SLC41A3: variants seen among roughly 807,000 people sequenced by gnomAD.
The protein encoded by SLC41A3 is solute carrier family 41 member 3.
In SLC41A3, 44 loss-of-function variants were observed where a neutral mutation model predicts 45.4. The observed-to-expected ratio is 0.97, with a 90% CI of 0.76 to 1.25. The LOEUF (loss-of-function observed/expected upper bound fraction) is 1.25, where lower values mean the gene tolerates loss of function less well. Among genes scored for constraint, SLC41A3 ranks in the 50% most tolerant of loss-of-function variants. The probability of loss-of-function intolerance (pLI) is 0.00; values close to 1 mark genes in which losing one functional copy is unlikely to be tolerated. For missense variants in SLC41A3, 550 were observed against 600.6 expected (o/e 0.92, Z 0.88); for synonymous variants, 256 against 252.4 (o/e 1.01, Z -0.13).
chr3:126,019,815 T>A (rs1940671646), intron 6 of SLC41A3, among the ~76,000 whole-genome samples: 1 of 151,486 alleles, frequency 6.6e-6, no homozygotes, highest in Non-Finnish European at 1.5e-5. Flanking sequence ...TCCACCCAGC[T>A]CTCCCAGGCT....
chr3:126,064,303 C>T (rs1944239073), intron 2 of SLC41A3, among the ~76,000 whole-genome samples: 1 of 152,122 alleles, frequency 6.6e-6, no homozygotes, highest in Admixed American at 6.5e-5. Context: ...TCCACATCCC[C>T]GAGGAGCACG....
intron 2 of SLC41A3, among the ~76,000 whole-genome samples, chr3:126,063,624 C>T (rs1203678973): frequency 6.6e-6 from 1 of 152,210 alleles, no homozygotes; most frequent in Non-Finnish European, 1.5e-5. Context: ...TCCTGCCTCA[C>T]TGACACACAA....
At chr3:126,012,249 CT>C (rs1939789224) in intron 9 of SLC41A3, among the ~76,000 whole-genome samples, 1 of 152,040 alleles carries the variant, frequency 6.6e-6, no homozygotes, top group African/African-American at 2.4e-5. Context: ...AGTGTATTTC[CT>C]CTAATTCTTT....
At chr3:126,045,550 C>T (rs1008599698) in intron 3 of SLC41A3, among the ~76,000 whole-genome samples, 1 of 152,070 alleles carries the variant, frequency 6.6e-6, no homozygotes, top group African/African-American at 2.4e-5. Flanking sequence ...CCTCGAGAAA[C>T]AATTTACCAG....
chr3:126,059,299 A>AGAAAG (rs1943914545), intron 2 of SLC41A3, among the ~76,000 whole-genome samples: 1 of 124,120 alleles, frequency 8.1e-6, no homozygotes. Context: ...AGAAAGAAAG[A>AGAAAG]AAGAAAGAAA....
intron 2 of SLC41A3, among the ~76,000 whole-genome samples, chr3:126,063,456 A>C (rs375364164): frequency 6.4e-4 from 97 of 152,298 alleles, no homozygotes; most frequent in African/African-American, 2.1e-3. Flanking sequence ...AGTCCCTGAT[A>C]AAGAGCAAAC....
rs1015322341 is a variant in SLC41A3 at position 126,006,582 on chromosome 3, T to A, written c.*434A>T. ...GCTTGAACCTGGTGAAGACAGCAAGTAAGCCACAGCTCAAGAGTTCTGAGG... is the reference window on the plus strand; with the variant it reads ...GCTTGAACCTGGTGAAGACAGCAAGAAAGCCACAGCTCAAGAGTTCTGAGG... On this transcript the variant is annotated 3_prime_UTR_variant, in exon 11 of 11. Coordinates refer to ENST00000360370, the MANE Select transcript of SLC41A3 (RefSeq NM_017836.4). 1.3e-6 allele frequency: 2 copies of A among 1,588,540 alleles called. No individual in the cohort carries two copies. Among genetic ancestry groups the A allele is most frequent in the African/African-American group, 2.7e-5 (2 of 72,952 alleles).
intron 4 of SLC41A3, among the ~76,000 whole-genome samples, chr3:126,030,918 A>T (rs998990095): frequency 2.6e-5 from 4 of 152,246 alleles, no homozygotes; most frequent in Non-Finnish European, 4.4e-5. Context: ...GCTACAATTT[A>T]TCTATATACC....
At chr3:126,022,221 T>A (rs748909371) in intron 6 of SLC41A3, among the ~76,000 whole-genome samples, 1 of 152,126 alleles carries the variant, frequency 6.6e-6, no homozygotes, top group Admixed American at 6.5e-5. Context: ...CATTCTGGAG[T>A]TTCTCCAGAT....
Position 126,080,937 on chromosome 3 carries a change from C to T in SLC41A3, c.-28+3156G>A, listed in dbSNP as rs140273498. Among the ~76,000 whole-genome samples the T allele has an allele frequency of 3.0e-3, 445 of 150,712 alleles. 9 individuals carry two copies. The highest frequency in any genetic ancestry group is 0.025 in the Admixed American group (386 of 15,176). ...CTGCACTCTAGCCTGGGCAACAGAG[C>T]GAGATTCCATCTCTGAAAAAAAAAA... On this transcript the variant is annotated intron_variant, in intron 1 of 10. Transcript: ENST00000360370.
chr3:126,045,330 A>G (rs1942891149), intron 3 of SLC41A3, among the ~76,000 whole-genome samples: 1 of 144,762 alleles, frequency 6.9e-6, no homozygotes, highest in African/African-American at 2.5e-5. Flanking sequence ...AGAAAAATCA[A>G]TGAAACTAAG....
chr3:126,009,364 C>T (rs1206494892), intron 9 of SLC41A3, among the ~76,000 whole-genome samples: 1 of 152,162 alleles, frequency 6.6e-6, no homozygotes, highest in Non-Finnish European at 1.5e-5. Flanking sequence ...GGGCAGTCGG[C>T]TCAAAAGGGG....
chr3:126,092,255 A>G (rs949633807), intron 1 of SLC41A3, among the ~76,000 whole-genome samples: 1 of 152,236 alleles, frequency 6.6e-6, no homozygotes, highest in Non-Finnish European at 1.5e-5. Context: ...TGGCCCACCC[A>G]GGGTGGAAAA....
At chr3:126,007,911 G>A (rs1001054837) in intron 10 of SLC41A3, among the ~76,000 whole-genome samples, 23 of 152,358 alleles carry the variant, frequency 1.5e-4, no homozygotes, top group Admixed American at 1.1e-3. Flanking sequence ...CCATCAGCCC[G>A]CTGCAGTCTA....
chr3:126,082,927 C>A (rs1945235818), intron 1 of SLC41A3, among the ~76,000 whole-genome samples: 1 of 152,240 alleles, frequency 6.6e-6, no homozygotes, highest in Non-Finnish European at 1.5e-5. Context: ...GACCTCGCCT[C>A]AGTGGGAATG....
At chr3:126,044,558 A>G (rs1002979826) in intron 3 of SLC41A3, among the ~76,000 whole-genome samples, 2 of 152,228 alleles carry the variant, frequency 1.3e-5, no homozygotes, top group African/African-American at 4.8e-5. Flanking sequence ...GACAGATCGT[A>G]TATTAGGCCA....
At chr3:126,058,396 G>A (rs568017050) in intron 2 of SLC41A3, among the ~76,000 whole-genome samples, 1 of 152,180 alleles carries the variant, frequency 6.6e-6, no homozygotes, top group African/African-American at 2.4e-5. Flanking sequence ...TGGTAGGGAT[G>A]AGCATGTATC....
chr3:126,079,492 C>T (rs1039032237), intron 1 of SLC41A3, among the ~76,000 whole-genome samples: 4 of 151,936 alleles, frequency 2.6e-5, no homozygotes, highest in African/African-American at 4.8e-5. Context: ...ACAGAGAAAA[C>T]CATGGAGAAA....
chr3:126,061,597 C>T (rs534976956), intron 2 of SLC41A3, among the ~76,000 whole-genome samples: 5 of 152,312 alleles, frequency 3.3e-5, no homozygotes, highest in South Asian at 2.1e-4. Context: ...AATGAATGAA[C>T]GAACTGCTGT....
Sources: gnomAD v4.1 joint callset for allele counts (sites outside exome capture counted in the v4.1 genomes callset) on GRCh38, gnomAD v4.1.1 for gene constraint, MANE v1.5 for transcripts, NCBI Gene and HGNC (gene_info 2026-07-23, HGNC 2026-07-21) for gene names.